Variants in CAMK2A observed in about 807,000 individuals in gnomAD.
CAMK2A encodes the protein calcium/calmodulin dependent protein kinase II alpha.
A neutral mutation model predicts 79.2 loss-of-function variants in CAMK2A; 7 were observed. The ratio of observed to expected loss-of-function variants is 0.09; its 90% CI spans 0.05 to 0.17. The LOEUF (loss-of-function observed/expected upper bound fraction) is 0.17. CAMK2A is among the 10% of genes least tolerant of loss of function. The pLI is 1.00. For synonymous variants in CAMK2A, 242 were observed against 251.7 expected (o/e 0.96, Z 0.36); for missense variants, 214 against 646.4 (o/e 0.33, Z 7.25).
At chr5:150,268,768 AT>A (rs891383093) in intron 2 of CAMK2A, among the ~76,000 whole-genome samples, 4 of 151,916 alleles carry the variant, frequency 2.6e-5, no homozygotes, top group African/African-American at 7.2e-5. Flanking sequence ...CATTCTAATA[AT>A]TTTTTTTGAG....
intron 1 of CAMK2A, among the ~76,000 whole-genome samples, chr5:150,281,081 C>A (rs1757195343): frequency 6.6e-6 from 1 of 152,204 alleles, no homozygotes; most frequent in South Asian, 2.1e-4. Flanking sequence ...ACATCCAGAG[C>A]CCCCTCCTGT....
At chr5:150,273,244 C>T in intron 1 of CAMK2A, 85 bp from the exon 2 acceptor site, 3 of 991,340 alleles carry the variant, frequency 3.0e-6, no homozygotes, top group South Asian at 2.7e-5. Flanking sequence ...ATCACTGCCC[C>T]ACGCTAGACA....
chr5:150,273,238 C>T (rs1756824617), intron 1 of CAMK2A, 79 bp from the exon 2 acceptor site: 1 of 1,042,930 alleles, frequency 9.6e-7, no homozygotes, highest in East Asian at 2.4e-5. Context: ...GTTCACATCA[C>T]TGCCCCACGC....
intron 3 of CAMK2A, among the ~76,000 whole-genome samples, chr5:150,259,690 C>T (rs1184208761): frequency 1.3e-5 from 2 of 151,930 alleles, no homozygotes; most frequent in Admixed American, 6.6e-5. Context: ...AAATTCAGGC[C>T]GGGCACGGTG....
chr5:150,287,375 A>T (rs946198731), intron 1 of CAMK2A, among the ~76,000 whole-genome samples: 1 of 152,218 alleles, frequency 6.6e-6, no homozygotes, highest in Non-Finnish European at 1.5e-5. Flanking sequence ...AAAAAAGGTT[A>T]AGAGCAGTCT....
intron 11 of CAMK2A, among the ~76,000 whole-genome samples, chr5:150,249,282 C>T (rs897039141): frequency 3.3e-5 from 5 of 152,262 alleles, no homozygotes; most frequent in Non-Finnish European, 7.3e-5. Context: ...CACACAGAAC[C>T]TGCAAGAGTG....
At chr5:150,244,946 C>T (rs190953704) in intron 13 of CAMK2A, among the ~76,000 whole-genome samples, 7 of 152,114 alleles carry the variant, frequency 4.6e-5, no homozygotes, top group Admixed American at 1.3e-4. Flanking sequence ...CTCCTCCAGT[C>T]CCCCCTCTCC....
intron 2 of CAMK2A, among the ~76,000 whole-genome samples, chr5:150,268,031 G>A (rs1023351311): frequency 6.6e-6 from 1 of 151,986 alleles, no homozygotes; most frequent in Non-Finnish European, 1.5e-5. Flanking sequence ...ATGCCACCAT[G>A]CCAGGCTAAT....
intron 1 of CAMK2A, 132 bp downstream of exon 1, chr5:150,289,432 C>G (rs1274312154): frequency 2.7e-6 from 2 of 734,790 alleles, no homozygotes; most frequent in Admixed American, 4.2e-5. Flanking sequence ...GCAGGTGCCC[C>G]CAAACCCATG....
intron 1 of CAMK2A, among the ~76,000 whole-genome samples, chr5:150,280,097 G>A (rs1757145241): frequency 6.6e-6 from 1 of 152,190 alleles, no homozygotes; most frequent in South Asian, 2.1e-4. Context: ...GACCAGCCCT[G>A]CTCCCTTCTG....
intron 14 of CAMK2A, among the ~76,000 whole-genome samples, chr5:150,239,175 A>G (rs995053659): frequency 6.6e-6 from 1 of 152,086 alleles, no homozygotes; most frequent in Non-Finnish European, 1.5e-5. Flanking sequence ...AAACCACACG[A>G]CTGAGTGAGA....
chr5:150,245,086 C>T, intron 13 of CAMK2A, 75 bp downstream of exon 13: 1 of 1,473,718 alleles, frequency 6.8e-7, no homozygotes, highest in Non-Finnish European at 9.4e-7. Context: ...GGTCTTGCTC[C>T]AGGCCTGAAA....
chr5:150,223,980 G>T lies in CAMK2A; in HGVS notation c.1238-763C>A, dbSNP rs1480943850. Reference sequence around the variant, plus strand: ...TATACAGAATTGTGGAAACGTGGAGGAATATGAAAATTGTAGAATCTTAGA... The same window carrying T: ...TATACAGAATTGTGGAAACGTGGAGTAATATGAAAATTGTAGAATCTTAGA... On this transcript the variant is annotated intron_variant, in intron 17 of 18. Transcript: ENST00000671881. The surrounding 1 kb of genome is among the most constrained non-coding windows in gnomAD (Gnocchi z 4.1). 1.3e-5 allele frequency among the ~76,000 whole-genome samples: 2 copies of T among 152,154 alleles called. No homozygotes were observed. The highest frequency in any genetic ancestry group is 4.8e-5 in the African/African-American group (2 of 41,432).
At chr5:150,275,040 A>G (rs1275015282) in intron 1 of CAMK2A, among the ~76,000 whole-genome samples, 5 of 152,258 alleles carry the variant, frequency 3.3e-5, no homozygotes, top group African/African-American at 1.2e-4. Context: ...CACTGGCTTC[A>G]TGTCTGGGCA....
rs868528454 is a variant in CAMK2A, at chr5:150,278,933, G to C, written c.63-5774C>G. On this transcript the variant is annotated intron_variant, in intron 1 of 18. Coordinates refer to ENST00000671881, the MANE Select transcript of CAMK2A (RefSeq NM_015981.4). ...AGAATGTAGGCAGGGAGGGGTGTGT[G>C]GGGGGAGAGACAGACAGGCAGACAC... is the stretch of plus-strand genomic sequence containing the variant. 1.7e-4 allele frequency among the ~76,000 whole-genome samples: 26 copies of C among 152,286 alleles called. No homozygotes were observed. The Middle Eastern group carries it at 0.014, about 80-fold the overall frequency.
chr5:150,237,962 A>C (rs1041805392), intron 15 of CAMK2A, among the ~76,000 whole-genome samples: 1 of 152,128 alleles, frequency 6.6e-6, no homozygotes, highest in South Asian at 2.1e-4. Context: ...AGTGTTTCCC[A>C]TACTCCAGCC....
intron 2 of CAMK2A, among the ~76,000 whole-genome samples, chr5:150,266,877 G>C (rs769022619): frequency 7.2e-4 from 110 of 152,248 alleles, no homozygotes; most frequent in Non-Finnish European, 1.2e-3. Context: ...TGGGGGGGTG[G>C]TGAGAATGAA....
At chr5:150,267,084 G>A (rs964602547) in intron 2 of CAMK2A, among the ~76,000 whole-genome samples, 1 of 152,236 alleles carries the variant, frequency 6.6e-6, no homozygotes, top group African/African-American at 2.4e-5. Flanking sequence ...CTGCAAGCTA[G>A]GGATAAGGAG....
rs959519417 is a variant in CAMK2A, at chr5:150,259,463, A to G, written c.218-1846T>C. 2.6e-5 allele frequency among the ~76,000 whole-genome samples: 4 copies of G among 152,156 alleles called. No homozygotes were observed. The East Asian group carries it at 7.7e-4, about 29-fold the overall frequency. On this transcript the variant is annotated intron_variant, in intron 3 of 18. Transcript: ENST00000671881. ...TTTGAGCCCAGGGGGCGGAGGGTGC[A>G]GTGAGCCAAGATTGCCCCACTGCAT...
Sources: gnomAD v4.1 joint callset for allele counts (sites outside exome capture counted in the v4.1 genomes callset) on GRCh38, gnomAD v4.1.1 for gene constraint, Gnocchi (gnomAD v3.1) non-coding constraint, MANE v1.5 for transcripts, NCBI Gene and HGNC (gene_info 2026-07-23, HGNC 2026-07-21) for gene names.